BRF1: variants seen among roughly 807,000 people sequenced by gnomAD.
BRF1 encodes transcription factor IIIB 90 kDa subunit.
Under a neutral mutation model 81.7 loss-of-function variants are expected in BRF1, and 59 were observed. The ratio of observed to expected loss-of-function variants is 0.72; its 90% CI spans 0.59 to 0.90. BRF1 has a LOEUF of 0.90. Among genes scored for constraint, BRF1 ranks in the 40% least tolerant of loss-of-function variants. The pLI, the probability that BRF1 is intolerant of heterozygous loss-of-function variation, is 0.00. For synonymous variants in BRF1, 491 were observed against 395.6 expected, an observed-to-expected ratio of 1.24 and a Z score of -2.86; for missense variants, 1,050 against 936.3, an observed-to-expected ratio of 1.12 and a Z score of -1.58.
intron 5 of BRF1, among the ~76,000 whole-genome samples, chr14:105,243,469 A>T (rs1046564006): frequency 1.2e-5 from 1 of 85,068 alleles, no homozygotes; most frequent in East Asian, 2.6e-4. Flanking sequence ...AAAAAAAAAT[A>T]AAAATAAAAA....
intron 15 of BRF1, among the ~76,000 whole-genome samples, chr14:105,214,137 C>T (rs35736913): frequency 0.063 from 9,590 of 152,266 alleles, 392 homozygotes; most frequent in Non-Finnish European, 0.1. Flanking sequence ...GGCTGAAGCT[C>T]GGCCCCAGCC....
rs587710255 is a variant in BRF1 at position 105,272,194 on chromosome 14, G to A, written c.439+527C>T. Among the ~76,000 whole-genome samples the A allele has an allele frequency of 4.4e-5, 6 of 136,722 alleles. 1 individual carries two copies. The highest frequency in any genetic ancestry group is 2.1e-4 in the Admixed American group (3 of 14,130). 89.7% of individuals were successfully genotyped at this position (136,722 alleles called of 152,430 possible). On this transcript the variant is annotated intron_variant, in intron 3 of 17. Transcript: ENST00000547530. ...GCCAAGCTGCACACCGCTGAGGGTCGGCGGCCTCCCCACCCACGGCCTGCA... is the reference window on the plus strand; with the variant it reads ...GCCAAGCTGCACACCGCTGAGGGTCAGCGGCCTCCCCACCCACGGCCTGCA...
At chr14:105,283,551 T>C (rs1049399924) in intron 2 of BRF1, among the ~76,000 whole-genome samples, 1 of 152,326 alleles carries the variant, frequency 6.6e-6, no homozygotes, top group East Asian at 1.9e-4. Flanking sequence ...TCACCCCTAA[T>C]TAGGGAGCAT....
chr14:105,259,858 T>C (rs2056063391), intron 3 of BRF1, among the ~76,000 whole-genome samples: 1 of 152,046 alleles, frequency 6.6e-6, no homozygotes, highest in Non-Finnish European at 1.5e-5. Flanking sequence ...TGCAGTAAGC[T>C]GAGATGGAAC....
intron 2 of BRF1, among the ~76,000 whole-genome samples, chr14:105,275,794 A>C (rs148853677): frequency 6.6e-6 from 1 of 152,388 alleles, no homozygotes; most frequent in East Asian, 1.9e-4. Context: ...ATTAAGATGC[A>C]GGGCCTTTGC....
At chr14:105,312,877 G>A (rs1054189744) in intron 1 of BRF1, among the ~76,000 whole-genome samples, 14 of 152,206 alleles carry the variant, frequency 9.2e-5, no homozygotes, top group African/African-American at 2.9e-4. Context: ...AAGCATTGAT[G>A]TAGACCCACC....
intron 5 of BRF1, chr14:105,247,548 G>C (rs1388897433): frequency 1.0e-6 from 1 of 985,236 alleles, no homozygotes; most frequent in Non-Finnish European, 1.2e-6. Flanking sequence ...CTTCTGAAGA[G>C]GACTCTCCCA....
chr14:105,216,261 C>T (rs1179108528), intron 15 of BRF1, among the ~76,000 whole-genome samples: 1 of 152,224 alleles, frequency 6.6e-6, no homozygotes, highest in Non-Finnish European at 1.5e-5. Flanking sequence ...GCACCAGAAT[C>T]ACCCAACTGG....
At chr14:105,242,515 C>T (rs924412715) in intron 5 of BRF1, 2 of 151,890 alleles carry the variant, frequency 1.3e-5, no homozygotes, top group Admixed American at 1.3e-4. Flanking sequence ...GCGGGCGGAT[C>T]ACCTGAGGTC....
At position 105,209,361 on chromosome 14, in the gene BRF1, G is replaced by T; in HGVS notation, c.*1190C>A. 1.7e-6 allele frequency: 1 copy of T among 583,948 alleles called. No individual in the cohort carries two copies. The highest frequency in any genetic ancestry group is 1.9e-5 in the African/African-American group (1 of 53,012). The allele number at this position is 583,948 out of a possible 1,614,324, so 36.2% of individuals were successfully genotyped here. ...CCCAAGCCCTCGAGAAGCCCTGGCAGGACCCAGGCTGGCTACTGAGCTCTG... is the reference window on the plus strand; with the variant it reads ...CCCAAGCCCTCGAGAAGCCCTGGCATGACCCAGGCTGGCTACTGAGCTCTG... On this transcript the variant is annotated 3_prime_UTR_variant, in exon 18 of 18. Coordinates refer to ENST00000547530, the MANE Select transcript of BRF1 (RefSeq NM_001519.4).
chr14:105,285,112 C>T (rs373259827), intron 2 of BRF1, among the ~76,000 whole-genome samples: 9 of 152,228 alleles, frequency 5.9e-5, no homozygotes, highest in South Asian at 2.1e-4. Flanking sequence ...AACATATTAA[C>T]GCAATCCCCG....
intron 5 of BRF1, among the ~76,000 whole-genome samples, chr14:105,242,977 G>A (rs1167174985): frequency 1.3e-5 from 2 of 151,314 alleles, no homozygotes; most frequent in African/African-American, 4.9e-5. Context: ...TGAGCTGGGC[G>A]TGGTGGTGCA....
chr14:105,224,438 C>T (rs1892774891), intron 10 of BRF1, among the ~76,000 whole-genome samples: 1 of 152,174 alleles, frequency 6.6e-6, no homozygotes, highest in South Asian at 2.1e-4. Flanking sequence ...GATATGTCCA[C>T]CCTGGCTGCA....
intron 3 of BRF1, among the ~76,000 whole-genome samples, chr14:105,262,075 T>C (rs969545694): frequency 3.9e-5 from 6 of 152,148 alleles, no homozygotes; most frequent in African/African-American, 1.4e-4. Flanking sequence ...GCACTCAGCA[T>C]ACAGCACTCA....
intron 1 of BRF1, chr14:105,314,678 G>GGC (rs2058477101): frequency 7.0e-6 from 1 of 142,650 alleles, no homozygotes. Context: ...GAGGGCGCCG[G>GGC]GCGCGCGCGG....
chr14:105,296,170 T>G (rs587612094), intron 1 of BRF1, among the ~76,000 whole-genome samples: 1 of 151,684 alleles, frequency 6.6e-6, no homozygotes, highest in African/African-American at 2.4e-5. Context: ...CCCAGCACTT[T>G]GGGAGGCCAA....
At chr14:105,229,291 C>A (rs1217750700) in intron 6 of BRF1, among the ~76,000 whole-genome samples, 22 of 152,228 alleles carry the variant, frequency 1.4e-4, no homozygotes, top group Admixed American at 1.4e-3. Flanking sequence ...GGCGAGGCCA[C>A]AGCTGGCAGC....
chr14:105,226,293 G>A lies in BRF1; in HGVS notation c.916-3C>T, dbSNP rs1893074020. 3.7e-6 allele frequency: 6 copies of A among 1,614,044 alleles called. No homozygotes were observed. The highest frequency in any genetic ancestry group is 5.1e-6 in the Non-Finnish European group (6 of 1,180,028). On this transcript the variant is annotated splice_polypyrimidine_tract_variant and splice_region_variant and intron_variant, in intron 8 of 17. Transcript: ENST00000547530. ...TTTTTTGACAGGACTTGTTCAAGCT[G>A]AAAGGGAACAGGGCAAGAGGCTTCG...
At position 105,209,464 on chromosome 14, in the gene BRF1, GC is replaced by G. The variant is rs34745426; in HGVS notation, c.*1086del. On this transcript the variant is annotated 3_prime_UTR_variant, in exon 18 of 18. Transcript: ENST00000547530. Reference sequence around the variant, plus strand: ...CAGCCCATTCCATGGGGAGGATGAGGCCCCTGGGGGTCAGTGAGGCACGGCT... The same window carrying G: ...CAGCCCATTCCATGGGGAGGATGAGGCCCTGGGGGTCAGTGAGGCACGGCT... 1 of 698,542 alleles carries G rather than the reference GC, an allele frequency of 1.4e-6. No individual in the cohort carries two copies. Among genetic ancestry groups the G allele is most frequent in the Non-Finnish European group, 2.6e-6 (1 of 383,342 alleles). The allele number at this position is 698,542 out of a possible 1,614,324, so 43.3% of individuals were successfully genotyped here. A position where few individuals can be genotyped will look rare whatever the true frequency, so the allele number is the denominator to read the frequency against.
Sources: gnomAD v4.1 joint callset for allele counts (sites outside exome capture counted in the v4.1 genomes callset) on GRCh38, gnomAD v4.1.1 for gene constraint, MANE v1.5 for transcripts, NCBI Gene and HGNC (gene_info 2026-07-23, HGNC 2026-07-21) for gene names.